CDKN2B-AS1: variants seen among roughly 807,000 people sequenced by gnomAD.
CDKN2B-AS1 encodes CDKN2B antisense RNA 1 (non-protein coding).
rs1821113901 is a variant in CDKN2B-AS1, at chr9:22,005,234, T to C, written n.29+10073T>C. The C allele has an allele frequency of 4.3e-6, 1 of 233,502 alleles. No homozygotes were observed. The highest frequency in any genetic ancestry group is 8.4e-6 in the Non-Finnish European group (1 of 118,348). 14.5% of individuals were successfully genotyped at this position (233,502 alleles called of 1,614,324 possible). On this transcript the variant is annotated intron_variant and non_coding_transcript_variant, in intron 1 of 4. Transcript: ENST00000650946. The surrounding 1 kb of genome is among the most constrained non-coding windows in gnomAD (Gnocchi z 4.9). ...TCTGCCTGCGGAACCCGCGGGAATC[T>C]CTCCTCAGTGTAGTAAGAGCAAAGG...
At chr9:22,010,047 ATCTT>A in intron 1 of CDKN2B-AS1, among the ~76,000 whole-genome samples, 1 of 152,314 alleles carries the variant, frequency 6.6e-6, no homozygotes, top group East Asian at 1.9e-4. Context: ...TGTACAGTAA[ATCTT>A]TGTTTGCACT....
At chr9:22,080,172 A>C (rs1274100897) in intron 4 of CDKN2B-AS1, among the ~76,000 whole-genome samples, 10 of 152,300 alleles carry the variant, frequency 6.6e-5, no homozygotes, top group Non-Finnish European at 4.4e-5. Context: ...GTGCAGTCAG[A>C]TGTAGCCAGC....
rs1431227939 is a variant in CDKN2B-AS1 at position 22,016,381 on chromosome 9, T to C, written n.29+21220T>C. On this transcript the variant is annotated intron_variant and non_coding_transcript_variant, in intron 1 of 4. Coordinates refer to ENST00000650946, the Ensembl canonical transcript of CDKN2B-AS1. Reference sequence around the variant, plus strand: ...AAAATGGCCATACTGCCCAAGGTAATTTATAGATTCAATGTCATCCCCATC... The same window carrying C: ...AAAATGGCCATACTGCCCAAGGTAACTTATAGATTCAATGTCATCCCCATC... 2.6e-5 allele frequency among the ~76,000 whole-genome samples: 4 copies of C among 152,276 alleles called. No individual in the cohort carries two copies. In the East Asian group the frequency reaches 7.7e-4, roughly 29 times the overall value.
intron 4 of CDKN2B-AS1, among the ~76,000 whole-genome samples, chr9:22,061,391 A>G (rs964060149): frequency 1.3e-5 from 2 of 152,228 alleles, no homozygotes; most frequent in Non-Finnish European, 2.9e-5. Context: ...ATACTTTTAA[A>G]TCTGAGAACG....
chr9:22,030,915 A>G (rs1822441394), intron 1 of CDKN2B-AS1: 2 of 152,152 alleles, frequency 1.3e-5, no homozygotes, highest in Admixed American at 1.3e-4. Flanking sequence ...AAAATTTAGA[A>G]TTGAATTTTC....
At position 22,006,296 on chromosome 9, in the gene CDKN2B-AS1, G is replaced by A. The variant is rs1476843085; in HGVS notation, n.29+11135G>A. 4 of 1,598,428 alleles carry A rather than the reference G, an allele frequency of 2.5e-6. No individual in the cohort carries two copies. Among genetic ancestry groups the A allele is most frequent in the Admixed American group, 1.7e-5 (1 of 59,918 alleles). The stretch of plus-strand genomic sequence containing the variant: ...AGAGCCAGGGTGGGGGCAGGTATGG[G>A]AGATGCCGGCCGGGGCAAGGCAGGT... On this transcript the variant is annotated intron_variant and non_coding_transcript_variant, in intron 1 of 4. Transcript: ENST00000650946. The surrounding 1 kb of genome is among the most constrained non-coding windows in gnomAD (Gnocchi z 6.4).
intron 1 of CDKN2B-AS1, among the ~76,000 whole-genome samples, chr9:22,041,156 A>G (rs80166549): frequency 0.087 from 13,253 of 152,068 alleles, 577 homozygotes; most frequent in Middle Eastern, 0.14. Context: ...GGATAAAGAG[A>G]AAATGTGTTG....
chr9:22,081,035 A>G (rs1345545215), intron 4 of CDKN2B-AS1, among the ~76,000 whole-genome samples: 1 of 152,208 alleles, frequency 6.6e-6, no homozygotes, highest in African/African-American at 2.4e-5. Context: ...CCTTGTTCAT[A>G]CTGCAGTACA....
At chr9:22,081,460 C>T (rs555966633) in intron 4 of CDKN2B-AS1, among the ~76,000 whole-genome samples, 169 of 152,220 alleles carry the variant, frequency 1.1e-3, no homozygotes, top group African/African-American at 3.8e-3. Flanking sequence ...TAGGTATTAC[C>T]AACCCAAAGT....
chr9:22,068,716 T>G (rs1824167850), intron 4 of CDKN2B-AS1, among the ~76,000 whole-genome samples: 1 of 152,236 alleles, frequency 6.6e-6, no homozygotes, highest in Non-Finnish European at 1.5e-5. Flanking sequence ...GCTTTCTGAA[T>G]CTATTTGTTT....
At chr9:22,048,325 C>T (rs1587455606) in intron 2 of CDKN2B-AS1, among the ~76,000 whole-genome samples, 2 of 152,094 alleles carry the variant, frequency 1.3e-5, no homozygotes, top group African/African-American at 4.8e-5. Context: ...AGTGCTCATA[C>T]CAAACAAAGC....
chr9:22,095,147 G>A (rs929865326), intron 4 of CDKN2B-AS1, among the ~76,000 whole-genome samples: 1 of 144,704 alleles, frequency 6.9e-6, no homozygotes, highest in Non-Finnish European at 1.5e-5. Flanking sequence ...AACAGCAAAT[G>A]TTCCTGCCTG....
At chr9:22,026,969 C>G (rs1822265736) in intron 1 of CDKN2B-AS1, among the ~76,000 whole-genome samples, 1 of 152,218 alleles carries the variant, frequency 6.6e-6, no homozygotes, top group Admixed American at 6.5e-5. Flanking sequence ...GACTCCACGT[C>G]TTTCCCAAGT....
chr9:22,126,854 G>A (rs1286859331), intron 4 of CDKN2B-AS1, among the ~76,000 whole-genome samples: 1 of 152,144 alleles, frequency 6.6e-6, no homozygotes. Flanking sequence ...TTACAGGCGT[G>A]AGAAGTGAGT....
chr9:22,116,970 T>G (rs1825967457), intron 4 of CDKN2B-AS1, among the ~76,000 whole-genome samples: 1 of 152,140 alleles, frequency 6.6e-6, no homozygotes, highest in Non-Finnish European at 1.5e-5. Flanking sequence ...TGACCTCACA[T>G]AAATATGGGA....
intron 4 of CDKN2B-AS1, among the ~76,000 whole-genome samples, chr9:22,106,062 C>T (rs1458060911): frequency 6.6e-6 from 1 of 152,070 alleles, no homozygotes; most frequent in Non-Finnish European, 1.5e-5. Flanking sequence ...AGGCACCTGC[C>T]ACCACATCTG....
At chr9:22,092,355 A>G (rs1825121839) in intron 4 of CDKN2B-AS1, 1 of 152,212 alleles carries the variant, frequency 6.6e-6, no homozygotes, top group South Asian at 2.1e-4. Context: ...GTTGGGGAGA[A>G]TTCCCTCTTT....
intron 3 of CDKN2B-AS1, among the ~76,000 whole-genome samples, chr9:22,053,297 C>T (rs1000057516): frequency 3.3e-5 from 5 of 152,118 alleles, no homozygotes; most frequent in East Asian, 1.9e-4. Flanking sequence ...TTTTAGCAAA[C>T]GTTTGAGAAT....
chr9:22,000,826 AAG>A lies in CDKN2B-AS1; in HGVS notation n.29+5671_29+5672del, dbSNP rs1000187536. 6.6e-6 allele frequency among the ~76,000 whole-genome samples: 1 copy of A among 152,182 alleles called. No homozygotes were observed. The highest frequency in any genetic ancestry group is 2.4e-5 in the African/African-American group (1 of 41,440). On this transcript the variant is annotated intron_variant and non_coding_transcript_variant, in intron 1 of 4. Transcript: ENST00000650946. The surrounding 1 kb of genome is among the most constrained non-coding windows in gnomAD (Gnocchi z 4.1). ...GCAAGTATCTTATTTATACTAAGAG[AAG>A]AGAGAAACCCGAAGAACAATGGATT...
Sources: allele counts gnomAD v4.1 joint callset (sites outside exome capture counted in the v4.1 genomes callset), GRCh38; gene constraint gnomAD v4.1.1; non-coding constraint Gnocchi (gnomAD v3.1); transcripts MANE v1.5; gene names NCBI Gene and HGNC (gene_info 2026-07-23, HGNC 2026-07-21).